The following IL1RAPL1 variants were observed in gnomAD, a reference collection of about 807,000 sequenced individuals.
IL1RAPL1 encodes interleukin-1 receptor accessory protein-like 1.
A neutral mutation model predicts 48.4 loss-of-function variants in IL1RAPL1; 3 were observed. That is an observed-to-expected ratio of 0.06 (90% CI 0.03 to 0.16). The LOEUF (loss-of-function observed/expected upper bound fraction) is 0.16. Among genes scored for constraint, IL1RAPL1 ranks in the 10% least tolerant of loss-of-function variants. The pLI is 1.00. For missense variants in IL1RAPL1, 349 were observed against 530.6 expected (o/e 0.66, Z 3.36); for synonymous variants, 185 against 187.7 (o/e 0.99, Z 0.12).
intron 3 of IL1RAPL1, among the ~76,000 whole-genome samples, chrX:29,360,036 C>T (rs1451814870): frequency 8.9e-6 from 1 of 111,755 alleles, no homozygotes; most frequent in Non-Finnish European, 1.9e-5. Context: ...GTGGGGAGCT[C>T]ACCAATTCTC....
chrX:29,885,325 C>T (rs1182336354), intron 6 of IL1RAPL1, among the ~76,000 whole-genome samples: 5 of 112,004 alleles, frequency 4.5e-5, no homozygotes, highest in Admixed American at 9.5e-5. Flanking sequence ...CTCCTTTCCC[C>T]ATATATCTTA....
Position 29,577,294 on chromosome X carries a change from A to G in IL1RAPL1, c.704-91136A>G, listed in dbSNP as rs200498963. Among the ~76,000 whole-genome samples the G allele has an allele frequency of 5.0e-4, 56 of 111,908 alleles. 1 individual carries two copies. In the East Asian group the frequency reaches 0.015, roughly 31 times the overall value. ...GAACAAATAGATGTTATGAAAAAAA[A>G]GTACTGTTATCAGATTCCAGGATAA... On this transcript the variant is annotated intron_variant, in intron 5 of 10. Coordinates refer to ENST00000378993, the MANE Select transcript of IL1RAPL1 (RefSeq NM_014271.4).
chrX:29,360,449 A>G (rs188697942), intron 3 of IL1RAPL1, among the ~76,000 whole-genome samples: 1 of 111,962 alleles, frequency 8.9e-6, no homozygotes, highest in East Asian at 2.8e-4. Flanking sequence ...ATTATTTTTG[A>G]CCATTGAGTC....
chrX:29,223,986 A>G (rs893704679), intron 2 of IL1RAPL1, among the ~76,000 whole-genome samples: 16 of 111,836 alleles, frequency 1.4e-4, no homozygotes, highest in African/African-American at 3.9e-4. Context: ...TCCTGTACGC[A>G]CACACAATGT....
chrX:28,754,225 A>C (rs1936081737), intron 1 of IL1RAPL1, among the ~76,000 whole-genome samples: 1 of 111,350 alleles, frequency 9.0e-6, no homozygotes, highest in Non-Finnish European at 1.9e-5. Flanking sequence ...TCCAATTCTT[A>C]CAATTTCTTA....
chrX:28,885,433 C>A (rs1269228445), intron 2 of IL1RAPL1, among the ~76,000 whole-genome samples: 1 of 111,039 alleles, frequency 9.0e-6, no homozygotes, highest in African/African-American at 3.3e-5. Flanking sequence ...CTATTTGACT[C>A]ATTAGTGTTA....
chrX:29,435,573 A>T (rs907239123), intron 5 of IL1RAPL1, among the ~76,000 whole-genome samples: 2 of 110,539 alleles, frequency 1.8e-5, no homozygotes, highest in African/African-American at 6.5e-5. Flanking sequence ...TTGTTTTTAA[A>T]CTGCTTGATT....
chrX:28,737,201 C>CTT (rs2146950492), intron 1 of IL1RAPL1, among the ~76,000 whole-genome samples: 2 of 62,741 alleles, frequency 3.2e-5, no homozygotes, highest in East Asian at 1.2e-3. Flanking sequence ...CTCTTTCTTT[C>CTT]TTTCTCTTTC....
chrX:28,781,887 T>C (rs913650340), intron 1 of IL1RAPL1, among the ~76,000 whole-genome samples: 1 of 112,159 alleles, frequency 8.9e-6, no homozygotes, highest in Non-Finnish European at 1.9e-5. Context: ...ACTATATCCA[T>C]ATTGACATAA....
intron 5 of IL1RAPL1, among the ~76,000 whole-genome samples, chrX:29,493,715 G>C (rs188716152): frequency 9.0e-5 from 10 of 111,282 alleles, no homozygotes; most frequent in African/African-American, 3.3e-4. Context: ...TACATGTGCA[G>C]GTTTGTTACA....
chrX:29,766,372 G>A (rs1262973678), intron 6 of IL1RAPL1, among the ~76,000 whole-genome samples: 1 of 87,478 alleles, frequency 1.1e-5, no homozygotes, highest in African/African-American at 4.6e-5. Flanking sequence ...TAGATAGATA[G>A]ATAGATAGAT....
chrX:28,814,276 T>G (rs1305433387), intron 2 of IL1RAPL1, among the ~76,000 whole-genome samples: 1 of 109,855 alleles, frequency 9.1e-6, no homozygotes, highest in Non-Finnish European at 1.9e-5. Context: ...TAACTGAATT[T>G]TAGTATGTTT....
chrX:28,669,866 A>G (rs1052745691), intron 1 of IL1RAPL1, among the ~76,000 whole-genome samples: 2 of 107,133 alleles, frequency 1.9e-5, no homozygotes, highest in African/African-American at 3.4e-5. Context: ...TCTTGGAGAC[A>G]TTGCTGAGGC....
At chrX:29,323,402 G>T (rs1365358111) in intron 3 of IL1RAPL1, among the ~76,000 whole-genome samples, 3 of 106,479 alleles carry the variant, frequency 2.8e-5, no homozygotes, top group African/African-American at 1.0e-4. Flanking sequence ...TTTTAACTAG[G>T]TCTCTCTTCT....
Position 29,283,089 on chromosome X carries a change from A to G in IL1RAPL1, c.234A>G (p.Lys78=), listed in dbSNP as rs760659039. 1.7e-6 allele frequency: 2 copies of G among 1,211,753 alleles called. No individual in the cohort carries two copies. The highest frequency in any genetic ancestry group is 2.2e-6 in the Non-Finnish European group (2 of 895,518). ...QSAGLSLMWY[K]SSGPGDFEEP... The stretch of plus-strand genomic sequence containing the variant: ...CTGGACTCAGTTTGATGTGGTACAA[A>G]AGTTCTGGTCCTGGAGACTTTGAAG... Residue 78 remains lysine, a synonymous_variant, in exon 3 of 11, where the codon AAA becomes AAG. Coordinates refer to ENST00000378993, the MANE Select transcript of IL1RAPL1 (RefSeq NM_014271.4).
intron 1 of IL1RAPL1, among the ~76,000 whole-genome samples, chrX:28,716,925 A>T (rs1027752823): frequency 2.7e-5 from 3 of 112,167 alleles, no homozygotes; most frequent in Non-Finnish European, 3.8e-5. Flanking sequence ...ATCACTGATC[A>T]TTAGAAAAAT....
intron 2 of IL1RAPL1, among the ~76,000 whole-genome samples, chrX:28,896,410 A>G (rs1462292966): frequency 8.9e-6 from 1 of 111,865 alleles, no homozygotes; most frequent in African/African-American, 3.3e-5. Flanking sequence ...GCCATGAACT[A>G]GGCTGGGTTT....
intron 6 of IL1RAPL1, among the ~76,000 whole-genome samples, chrX:29,748,466 TCTTAA>T (rs1480905139): frequency 8.9e-6 from 1 of 112,927 alleles, no homozygotes; most frequent in African/African-American, 3.2e-5. Context: ...TAACATCTAA[TCTTAA>T]CTGAGTAATT....
chrX:28,881,390 A>G (rs189681724), intron 2 of IL1RAPL1, among the ~76,000 whole-genome samples: 37 of 111,907 alleles, frequency 3.3e-4, no homozygotes, highest in Non-Finnish European at 5.5e-4. Flanking sequence ...CTGTAAATGC[A>G]GTAATGGTTT....
Sources: gnomAD v4.1 joint callset for allele counts (sites outside exome capture counted in the v4.1 genomes callset) on GRCh38, gnomAD v4.1.1 for gene constraint, MANE v1.5 for transcripts, NCBI Gene and HGNC (gene_info 2026-07-23, HGNC 2026-07-21) for gene names.